Variants in FGF13 observed in about 807,000 individuals in gnomAD.
FGF13 encodes the protein fibroblast growth factor 13, also known as fibroblast growth factor homologous factor 2.
A neutral mutation model predicts 19.5 loss-of-function variants in FGF13; 2 were observed. That is an observed-to-expected ratio of 0.10 (90% CI 0.04 to 0.32). The LOEUF (loss-of-function observed/expected upper bound fraction) is 0.32, where lower values mean the gene tolerates loss of function less well. FGF13 is among the 10% of genes least tolerant of loss of function. The pLI is 1.00. For synonymous variants in FGF13, 72 were observed against 76.9 expected, an observed-to-expected ratio of 0.94 and a Z score of 0.33; for missense variants, 113 against 192.7, an observed-to-expected ratio of 0.59 and a Z score of 2.45.
intron 1 of FGF13, among the ~76,000 whole-genome samples, chrX:139,152,938 A>T (rs2083946906): frequency 9.1e-6 from 1 of 110,276 alleles, no homozygotes; most frequent in Non-Finnish European, 1.9e-5. Flanking sequence ...CCTTCCCCCA[A>T]GGTCAAAATG....
intron 1 of FGF13, among the ~76,000 whole-genome samples, chrX:138,929,232 ACT>A (rs2124255454): frequency 1.3e-5 from 1 of 74,085 alleles, no homozygotes; most frequent in African/African-American, 4.3e-5. Flanking sequence ...GAAGAGGAAA[ACT>A]CTGTGTGTGT....
At chrX:138,785,678 C>T (rs1316852514) in intron 3 of FGF13, among the ~76,000 whole-genome samples, 1 of 112,003 alleles carries the variant, frequency 8.9e-6, no homozygotes, top group African/African-American at 3.2e-5. Context: ...CTGGTCTTTG[C>T]TTCTAAATAT....
In FGF13 at chrX:138,912,044, C is replaced by T. The variant is rs1411830040; in HGVS notation, c.-112-47394G>A. ...GTATTTTTATATATCCCAGAAGTAG[C>T]ATGGCACATTTTATAAAAATGTTTG... On this transcript the variant is annotated intron_variant, in intron 1 of 2. Coordinates refer to the FGF13 transcript ENST00000421460. Among the ~76,000 whole-genome samples the T allele has an allele frequency of 2.7e-5, 3 of 111,301 alleles. No homozygotes were observed. The Admixed American group carries it at 2.9e-4, about 11-fold the overall frequency.
intron 1 of FGF13, among the ~76,000 whole-genome samples, chrX:139,084,085 G>A (rs1433850541): frequency 9.1e-6 from 1 of 109,444 alleles, no homozygotes; most frequent in African/African-American, 3.3e-5. Flanking sequence ...AGGATCAAAT[G>A]AGATAATGGA....
At chrX:139,041,124 G>A (rs1051465543) in intron 1 of FGF13, among the ~76,000 whole-genome samples, 1 of 109,556 alleles carries the variant, frequency 9.1e-6, no homozygotes, top group African/African-American at 3.4e-5. Context: ...TCTGGGTGAT[G>A]GGATGATCTG....
In FGF13 at chrX:138,625,469, T is replaced by C. The variant is rs1406315517; in HGVS notation, c.*7381A>G. On this transcript the variant is annotated 3_prime_UTR_variant, in exon 5 of 5. Transcript: ENST00000315930. ...ATGAAGAAAGAAAATTATATATATA[T>C]ACATATATATATATAATATATATAT... 2 of 94,679 alleles carry C rather than the reference T, an allele frequency of 2.1e-5. No individual in the cohort carries two copies. The highest frequency in any genetic ancestry group is 4.2e-5 in the African/African-American group (1 of 24,033). 7.8% of individuals were successfully genotyped at this position (94,679 alleles called of 1,213,427 possible). A position where few individuals can be genotyped will look rare whatever the true frequency, so the allele number is the denominator to read the frequency against.
At chrX:138,879,049 T>C (rs1223911592) in intron 1 of FGF13, among the ~76,000 whole-genome samples, 1 of 111,814 alleles carries the variant, frequency 8.9e-6, no homozygotes, top group Non-Finnish European at 1.9e-5. Context: ...ATTCTGGACA[T>C]CTTTGTCACA....
chrX:138,705,998 C>A (rs2089988574), intron 2 of FGF13, among the ~76,000 whole-genome samples: 1 of 112,451 alleles, frequency 8.9e-6, no homozygotes, highest in Admixed American at 9.4e-5. Context: ...TAAAAACAAA[C>A]ACCTTCTATT....
At chrX:138,759,556 G>A (rs2090452464) in intron 3 of FGF13, among the ~76,000 whole-genome samples, 1 of 112,095 alleles carries the variant, frequency 8.9e-6, no homozygotes, top group Non-Finnish European at 1.9e-5. Flanking sequence ...CTGGTTTCCA[G>A]GGGAGATGCA....
Position 138,670,699 on chromosome X carries a change from A to G in FGF13, c.402+32285T>C, listed in dbSNP as rs1306680949. On this transcript the variant is annotated intron_variant, in intron 3 of 4. Transcript: ENST00000315930. ...TGTAGTGAGTTTGGGGTGATGTTTT[A>G]TTTCTTTTTGTTTCAGTATAAAATA... 2.7e-5 allele frequency among the ~76,000 whole-genome samples: 3 copies of G among 111,505 alleles called. No individual in the cohort carries two copies. The Admixed American group carries it at 2.9e-4, about 11-fold the overall frequency.
chrX:139,033,429 G>T (rs1251456117), intron 1 of FGF13, among the ~76,000 whole-genome samples: 2 of 111,581 alleles, frequency 1.8e-5, no homozygotes, highest in Admixed American at 9.5e-5. Flanking sequence ...AGGTACAAGA[G>T]AATTTTCACC....
At chrX:138,667,169 T>C (rs1421689775) in intron 3 of FGF13, among the ~76,000 whole-genome samples, 1 of 107,616 alleles carries the variant, frequency 9.3e-6, no homozygotes, top group Non-Finnish European at 1.9e-5. Context: ...AAAATACGTA[T>C]ATATTACATG....
chrX:139,108,218 C>T (rs2083573408), intron 1 of FGF13, among the ~76,000 whole-genome samples: 2 of 111,909 alleles, frequency 1.8e-5, no homozygotes, highest in African/African-American at 6.5e-5. Flanking sequence ...ACACAGAAAC[C>T]TATGTAAGAA....
chrX:138,657,158 AG>A lies in FGF13; in HGVS notation c.403-21504del, dbSNP rs200681529. Among the ~76,000 whole-genome samples, 292 of 110,596 alleles carry A rather than the reference AG, an allele frequency of 2.6e-3. 1 individual carries two copies. Among genetic ancestry groups the A allele is most frequent in the East Asian group, 4.0e-3 (14 of 3,461 alleles). ...TTAGGAATTATTGGAAATCAATTTTAGAAAAAAAAAGCCAATTAATTGGCAT... is the reference window on the plus strand; with the variant it reads ...TTAGGAATTATTGGAAATCAATTTTAAAAAAAAAAGCCAATTAATTGGCAT... On this transcript the variant is annotated intron_variant, in intron 3 of 4. Coordinates refer to ENST00000315930, the MANE Select transcript of FGF13 (RefSeq NM_004114.5).
chrX:138,933,009 G>A (rs1345217632), intron 1 of FGF13, among the ~76,000 whole-genome samples: 2 of 111,390 alleles, frequency 1.8e-5, no homozygotes, highest in East Asian at 2.8e-4. Context: ...GTATAACCAG[G>A]AGACTAGCTG....
intron 1 of FGF13, among the ~76,000 whole-genome samples, chrX:139,153,347 GAA>G (rs34314115): frequency 0.1 from 8,978 of 89,122 alleles, 808 homozygotes; most frequent in African/African-American, 0.29. Context: ...AAGAGATAAT[GAA>G]AAAAAAAAAA....
At chrX:139,015,264 A>G (rs1316180091) in intron 1 of FGF13, among the ~76,000 whole-genome samples, 1 of 111,310 alleles carries the variant, frequency 9.0e-6, no homozygotes, top group Non-Finnish European at 1.9e-5. Flanking sequence ...TTGAAAAGGA[A>G]GGAGTCAAAT....
At chrX:138,886,214 C>T (rs2091451157) in intron 1 of FGF13, among the ~76,000 whole-genome samples, 2 of 111,812 alleles carry the variant, frequency 1.8e-5, no homozygotes, top group South Asian at 7.4e-4. Flanking sequence ...GTTCTACATT[C>T]TAAAAAAGAC....
At chrX:138,894,699 C>T (rs760352448) in intron 1 of FGF13, among the ~76,000 whole-genome samples, 5 of 110,454 alleles carry the variant, frequency 4.5e-5, no homozygotes, top group African/African-American at 1.3e-4. Flanking sequence ...AAGTCCAGGA[C>T]CAGATGGATT....
Sources: gnomAD v4.1 joint callset for allele counts (sites outside exome capture counted in the v4.1 genomes callset) on GRCh38, gnomAD v4.1.1 for gene constraint, MANE v1.5 for transcripts, NCBI Gene and HGNC (gene_info 2026-07-23, HGNC 2026-07-21) for gene names.